The following TCF20 variants were observed in gnomAD, a reference collection of about 807,000 sequenced individuals.
The protein encoded by TCF20 is SPRE-binding protein.
In TCF20, 3 loss-of-function variants were observed where a neutral mutation model predicts 148.6. The observed-to-expected ratio is 0.02, with a 90% CI of 0.01 to 0.05. The LOEUF is 0.05. Ranked by LOEUF, TCF20 falls within the 10% of genes least tolerant of loss-of-function variation. TCF20 has a pLI of 1.00. For missense variants in TCF20, 2,350 were observed against 2,429.3 expected, an observed-to-expected ratio of 0.97 and a Z score of 0.69; for synonymous variants, 1,049 against 909.5, an observed-to-expected ratio of 1.15 and a Z score of -2.76.
At chr22:42,313,935 C>T (rs776385550) in intron 1 of TCF20, among the ~76,000 whole-genome samples, 2 of 152,236 alleles carry the variant, frequency 1.3e-5, no homozygotes, top group African/African-American at 2.4e-5. Flanking sequence ...ACCTTTGCCC[C>T]GGCTGTTCCC....
At chr22:42,266,539 C>T (rs141163973) in intron 1 of TCF20, among the ~76,000 whole-genome samples, 113 of 151,962 alleles carry the variant, frequency 7.4e-4, no homozygotes, top group African/African-American at 2.6e-3. Flanking sequence ...CTGAGGCAGG[C>T]TGATAACCTC....
At position 42,210,049 on chromosome 22, in the gene TCF20, G is replaced by A. The variant is rs765172300; in HGVS notation, c.5257C>T (p.His1753Tyr). 6 of 1,613,028 alleles carry A rather than the reference G, an allele frequency of 3.7e-6. No homozygotes were observed. The Admixed American group carries it at 5.0e-5, about 13-fold the overall frequency. The part of the protein sequence containing the change: ...TEMQSKVKVR[H>Y]KSASNGSKTD... ...TTGGAGCCATTAGAAGCACTTTTGT[G>A]CCGTACCTTAACTTTGCTCTGCATT... is the stretch of plus-strand genomic sequence containing the variant. Residue 1753 changes from histidine to tyrosine, a missense_variant, in exon 2 of 6, where the codon CAC (histidine) becomes TAC (tyrosine). Coordinates refer to ENST00000677622, the MANE Select transcript of TCF20 (RefSeq NM_001378418.1). The surrounding 1 kb of genome is among the most constrained non-coding windows in gnomAD (Gnocchi z 4.7).
intron 2 of TCF20, among the ~76,000 whole-genome samples, chr22:42,206,276 C>A (rs1239581062): frequency 6.6e-6 from 1 of 152,112 alleles, no homozygotes; most frequent in African/African-American, 2.4e-5. Flanking sequence ...AATAAACAGG[C>A]TGGGCGCAGT....
chr22:42,220,473 A>G (rs1021534053), intron 1 of TCF20, among the ~76,000 whole-genome samples: 3 of 152,208 alleles, frequency 2.0e-5, no homozygotes, highest in African/African-American at 7.2e-5. Context: ...GCTAGAATTC[A>G]GCCATTGTGC....
rs1172662997 is a variant in TCF20, at chr22:42,299,201, G to A, written c.-37+44278C>T. ...CACGGGAGGATGGGGGCAAGGGGGC[G>A]GTAGGCAGACAGCAAGAGCAACCAG... On this transcript the variant is annotated intron_variant, in intron 1 of 1. Coordinates refer to the TCF20 transcript ENST00000515426. This position sits in a 1 kb window ranked among gnomAD's most constrained non-coding sequence, Gnocchi z 4.1. 3.9e-5 allele frequency among the ~76,000 whole-genome samples: 6 copies of A among 152,190 alleles called. No individual in the cohort carries two copies. The highest frequency in any genetic ancestry group is 2.1e-4 in the South Asian group (1 of 4,832).
chr22:42,284,122 G>A (rs978502233), upstream of TCF20, among the ~76,000 whole-genome samples: 6 of 152,076 alleles, frequency 3.9e-5, no homozygotes, highest in African/African-American at 1.4e-4. Flanking sequence ...GGGGAGGAGG[G>A]ATGGATGGAT....
chr22:42,220,497 AT>A (rs34045800), intron 1 of TCF20, among the ~76,000 whole-genome samples: 2 of 151,920 alleles, frequency 1.3e-5, no homozygotes, highest in Admixed American at 6.6e-5. Flanking sequence ...GCCCCAGCTA[AT>A]TTTTTCATCC....
intron 2 of TCF20, among the ~76,000 whole-genome samples, chr22:42,189,533 C>T (rs1937219560): frequency 1.3e-5 from 2 of 152,210 alleles, no homozygotes; most frequent in African/African-American, 2.4e-5. Flanking sequence ...GGCTATCTTC[C>T]TGCTTTAGTA....
chr22:42,335,510 T>C (rs996493895), intron 1 of TCF20, among the ~76,000 whole-genome samples: 2 of 152,164 alleles, frequency 1.3e-5, no homozygotes, highest in Non-Finnish European at 2.9e-5. Flanking sequence ...TGGTGCATAG[T>C]AGGGCTGCAA....
At chr22:42,195,861 C>T (rs991394993) in intron 2 of TCF20, among the ~76,000 whole-genome samples, 1 of 152,210 alleles carries the variant, frequency 6.6e-6, no homozygotes, top group African/African-American at 2.4e-5. Context: ...CCTCTTCCCA[C>T]TGGAGGTTAC....
intron 1 of TCF20, among the ~76,000 whole-genome samples, chr22:42,302,642 G>A (rs1301848067): frequency 6.6e-6 from 1 of 152,174 alleles, no homozygotes; most frequent in Non-Finnish European, 1.5e-5. Context: ...GTGGGGCCAG[G>A]GCAGGGAGAA....
chr22:42,247,076 T>C (rs1176959033), intron 1 of TCF20, among the ~76,000 whole-genome samples: 2 of 150,364 alleles, frequency 1.3e-5, no homozygotes, highest in East Asian at 3.9e-4. Context: ...AAACATCCAG[T>C]TAAGGGAATG....
chr22:42,339,771 G>A (rs1046715053), intron 1 of TCF20, among the ~76,000 whole-genome samples: 1 of 152,216 alleles, frequency 6.6e-6, no homozygotes, highest in African/African-American at 2.4e-5. Context: ...TCCCAAGCCT[G>A]GGGCAGGCAC....
intron 1 of TCF20, among the ~76,000 whole-genome samples, chr22:42,217,183 C>T (rs994158946): frequency 4.6e-5 from 7 of 152,148 alleles, no homozygotes; most frequent in Non-Finnish European, 1.0e-4. Flanking sequence ...TGCTCCCACC[C>T]CCTTGACCTC....
At chr22:42,183,031 T>C (rs561212273) in intron 2 of TCF20, among the ~76,000 whole-genome samples, 1 of 152,208 alleles carries the variant, frequency 6.6e-6, no homozygotes, top group African/African-American at 2.4e-5. Context: ...GCCACTGTGC[T>C]TGGCAGAAAT....
intron 2 of TCF20, among the ~76,000 whole-genome samples, chr22:42,181,022 T>G (rs1936745952): frequency 6.6e-6 from 1 of 152,202 alleles, no homozygotes; most frequent in African/African-American, 2.4e-5. Context: ...AAAAGATCAT[T>G]TGGTCTGGAG....
intron 1 of TCF20, among the ~76,000 whole-genome samples, chr22:42,267,841 A>G (rs1470288024): frequency 6.6e-6 from 1 of 152,102 alleles, no homozygotes; most frequent in Non-Finnish European, 1.5e-5. Context: ...CTGTTCAAAG[A>G]GACTGAATCA....
chr22:42,174,992 G>A (rs529544348), intron 3 of TCF20, among the ~76,000 whole-genome samples: 15 of 150,576 alleles, frequency 1.0e-4, no homozygotes, highest in South Asian at 6.3e-4. Flanking sequence ...CCGAGATCGC[G>A]CCACTGCACT....
chr22:42,207,986 G>A (rs1938505622), intron 2 of TCF20, among the ~76,000 whole-genome samples: 1 of 152,194 alleles, frequency 6.6e-6, no homozygotes, highest in South Asian at 2.1e-4. Flanking sequence ...CTCAGGTGGT[G>A]AGACCAGCCT....
Sources: gnomAD v4.1 joint callset for allele counts (sites outside exome capture counted in the v4.1 genomes callset) on GRCh38, gnomAD v4.1.1 for gene constraint, Gnocchi (gnomAD v3.1) non-coding constraint, MANE v1.5 for transcripts, NCBI Gene and HGNC (gene_info 2026-07-23, HGNC 2026-07-21) for gene names.